Variants in LINGO3 observed in about 807,000 individuals in gnomAD.
LINGO3 encodes leucine-rich repeat and immunoglobulin-like domain-containing nogo receptor-interacting protein 3.
For synonymous variants in LINGO3, 427 were observed against 444.2 expected, an observed-to-expected ratio of 0.96 and a Z score of 0.49; for missense variants, 750 against 867.7, an observed-to-expected ratio of 0.86 and a Z score of 1.70.
the LINGO3 span, among the ~76,000 whole-genome samples, chr19:2,302,725 C>T: frequency 3.9e-4 from 60 of 152,354 alleles, no homozygotes; most frequent in Non-Finnish European, 6.9e-4. Flanking sequence ...AAGGACAGAG[C>T]CTCATTACCA....
chr19:2,291,626 C>G lies in LINGO3; in HGVS notation c.151G>C (p.Gly51Arg), dbSNP rs773331053. The G allele has an allele frequency of 1.8e-5, 27 of 1,462,584 alleles. No individual in the cohort carries two copies. In the Admixed American group the frequency reaches 5.2e-4, roughly 28 times the overall value. 90.6% of individuals were successfully genotyped at this position (1,462,584 alleles called of 1,614,324 possible). ...AGCAGGCGGGTCTCGGCCGGGATGC[C>G]GTCGGGCACGGCGGTCAGGCGGCGG... The change falls in exon 1 of 1, where the codon GGC becomes CGC. Residue 51 changes from glycine (G) to arginine (R), a missense_variant. Physicochemically the swap from Gly to Arg is moderately radical, Grantham distance 125. Transcript: ENST00000585527.
At chr19:2,300,229 ACCT>A in the LINGO3 span, among the ~76,000 whole-genome samples, 6 of 150,442 alleles carry the variant, frequency 4.0e-5, no homozygotes, top group African/African-American at 1.5e-4. Context: ...ACGGGGTTTC[ACCT>A]TGTTGGCCAG....
upstream of LINGO3, among the ~76,000 whole-genome samples, chr19:2,292,584 G>A (rs145066847): frequency 9.8e-3 from 1,489 of 151,634 alleles, 19 homozygotes; most frequent in African/African-American, 0.034. Context: ...CCACCTCCCG[G>A]GTTCAAGCAA....
upstream of LINGO3, among the ~76,000 whole-genome samples, chr19:2,296,164 CTG>C (rs1411315683): frequency 3.3e-5 from 5 of 152,354 alleles, no homozygotes; most frequent in Non-Finnish European, 5.9e-5. Flanking sequence ...CACTCAGGGG[CTG>C]TGTCACGGGA....
chr19:2,297,356 G>C, the LINGO3 span, among the ~76,000 whole-genome samples: 6 of 140,508 alleles, frequency 4.3e-5, no homozygotes, highest in East Asian at 6.7e-4. Flanking sequence ...CCAGGCTGGA[G>C]TGCAGTGGCA....
Position 2,290,548 on chromosome 19 carries a change from C to CG in LINGO3, c.1228dup (p.Arg410ProfsTer251). 6.5e-7 allele frequency: 1 copy of CG among 1,531,716 alleles called. No homozygotes were observed. Among genetic ancestry groups the CG allele is most frequent in the Non-Finnish European group, 8.7e-7 (1 of 1,144,516 alleles). 94.9% of individuals were successfully genotyped at this position (1,531,716 alleles called of 1,614,324 possible). A position where few individuals can be genotyped will look rare whatever the true frequency, so the allele number is the denominator to read the frequency against. The stretch of plus-strand genomic sequence containing the variant: ...CGTGACGCGCTGCAGCCGCCGCTCC[C>CG]GGATCTTGGGTTTGCGGCACACGAA... On this transcript the variant is annotated frameshift_variant, in exon 1 of 1. Transcript: ENST00000585527. LOFTEE classifies it low-confidence loss of function (END_TRUNC). This position sits in a 1 kb window ranked among gnomAD's most constrained non-coding sequence, Gnocchi z 6.0.
chr19:2,294,643 TG>T (rs575648480), upstream of LINGO3, among the ~76,000 whole-genome samples: 1 of 149,954 alleles, frequency 6.7e-6, no homozygotes, highest in East Asian at 2.0e-4. The surrounding 1 kb of genome is among the most constrained non-coding windows in gnomAD (Gnocchi z 4.3). Context: ...GGCCTCTGGG[TG>T]GGGGGCAGAT....
the LINGO3 span, among the ~76,000 whole-genome samples, chr19:2,303,380 T>C: frequency 6.6e-6 from 1 of 151,792 alleles, no homozygotes; most frequent in African/African-American, 2.4e-5. Flanking sequence ...TGTTCCGGGC[T>C]GTGGCTGTGT....
At chr19:2,291,099 G>C in exon 1 of LINGO3, 1 of 1,609,296 alleles carries the variant, frequency 6.2e-7, no homozygotes, top group Non-Finnish European at 8.5e-7. Flanking sequence ...CAATCTCCAG[G>C]TGCAGCAGCC....
At chr19:2,303,558 G>A in the LINGO3 span, among the ~76,000 whole-genome samples, 1 of 152,192 alleles carries the variant, frequency 6.6e-6, no homozygotes, top group African/African-American at 2.4e-5. Flanking sequence ...TGAACCCCCA[G>A]GGAGGTGTCC....
In LINGO3 at chr19:2,290,489, G is replaced by C; in HGVS notation, c.1288C>G (p.Arg430Gly). 6.7e-7 allele frequency: 1 copy of C among 1,486,192 alleles called. No homozygotes were observed. The highest frequency in any genetic ancestry group is 8.9e-7 in the Non-Finnish European group (1 of 1,123,584). The allele number at this position is 1,486,192 out of a possible 1,614,324, so 92.1% of individuals were successfully genotyped here. Reference sequence around the variant, plus strand: ...GTGGGCGCCGGCTCGCCCTCGGCGCGGCAGAGGAAGCGGACGTCTTCGCCC... The same window carrying C: ...GTGGGCGCCGGCTCGCCCTCGGCGCCGCAGAGGAAGCGGACGTCTTCGCCC... Residue 430 changes from arginine (R) to glycine (G), a missense_variant, in exon 1 of 1, where the codon CGC becomes GGC. By Grantham distance (125) the Arg-to-Gly change is moderately radical. Coordinates refer to ENST00000585527, the Ensembl canonical transcript of LINGO3. The surrounding 1 kb of genome is among the most constrained non-coding windows in gnomAD (Gnocchi z 6.0).
the LINGO3 span, among the ~76,000 whole-genome samples, chr19:2,303,779 C>G: frequency 6.6e-6 from 1 of 152,216 alleles, no homozygotes; most frequent in African/African-American, 2.4e-5. Flanking sequence ...CCCGGTTACC[C>G]ACACGCAGAG....
chr19:2,293,819 G>A (rs2025549219), upstream of LINGO3, among the ~76,000 whole-genome samples: 1 of 151,856 alleles, frequency 6.6e-6, no homozygotes. Context: ...TTGGGAGGCC[G>A]AGGTGGGTGG....
downstream of LINGO3, chr19:2,289,641 T>G: frequency 7.8e-6 from 2 of 258,026 alleles, no homozygotes; most frequent in South Asian, 1.0e-4. Context: ...TTGTGCCTCC[T>G]GGGTGTGAAT....
At chr19:2,304,345 CTGGGGTTGGCAGAA>C in the LINGO3 span, among the ~76,000 whole-genome samples, 1,287 of 152,202 alleles carry the variant, frequency 8.5e-3, 18 homozygotes, top group African/African-American at 0.029. Context: ...GAAGGGGGGC[CTGGGGTTGGCAGAA>C]TGGGGTTGGC....
At chr19:2,302,503 G>A in the LINGO3 span, among the ~76,000 whole-genome samples, 1 of 152,304 alleles carries the variant, frequency 6.6e-6, no homozygotes, top group Admixed American at 6.5e-5. Flanking sequence ...GCGCCCCGCC[G>A]TCCACAGGCG....
the LINGO3 span, among the ~76,000 whole-genome samples, chr19:2,300,702 C>T: frequency 6.6e-6 from 1 of 152,262 alleles, no homozygotes; most frequent in East Asian, 1.9e-4. Flanking sequence ...GGGCCTCCCG[C>T]CACTGCCAGG....
At chr19:2,308,127 G>A in the LINGO3 span, among the ~76,000 whole-genome samples, 3 of 137,484 alleles carry the variant, frequency 2.2e-5, no homozygotes, top group Non-Finnish European at 4.8e-5. Flanking sequence ...GGGGCCGCCC[G>A]GAGCCGACAC....
At chr19:2,291,381 G>A (rs2025519133) in exon 1 of LINGO3, 2 of 1,613,490 alleles carry the variant, frequency 1.2e-6, no homozygotes, top group Non-Finnish European at 1.7e-6. Context: ...TCTCGCTCAG[G>A]TCCAGCAGCG....
Sources: gnomAD v4.1 joint callset for allele counts (sites outside exome capture counted in the v4.1 genomes callset) on GRCh38, gnomAD v4.1.1 for gene constraint, Gnocchi (gnomAD v3.1) non-coding constraint, MANE v1.5 for transcripts, NCBI Gene and HGNC (gene_info 2026-07-23, HGNC 2026-07-21) for gene names.